MTFR1: variants seen among roughly 807,000 people sequenced by gnomAD.
MTFR1 encodes mitochondrial fission regulator 1, also known as chondrocyte protein with a poly-proline region.
Under a neutral mutation model 38.8 loss-of-function variants are expected in MTFR1, and 28 were observed. The ratio of observed to expected loss-of-function variants is 0.72; its 90% CI spans 0.53 to 0.99. The LOEUF is 0.99. Ranked by LOEUF, MTFR1 falls within the 50% of genes least tolerant of loss-of-function variation. MTFR1 has a pLI of 0.00. For synonymous variants in MTFR1, 145 were observed against 137.0 expected, an observed-to-expected ratio of 1.06 and a Z score of -0.41; for missense variants, 358 against 395.5, an observed-to-expected ratio of 0.91 and a Z score of 0.81.
At position 65,653,565 on chromosome 8, in the gene MTFR1, T is replaced by C. The variant is rs967161366; in HGVS notation, c.-81+8781T>C. Among the ~76,000 whole-genome samples, 3 of 151,960 alleles carry C rather than the reference T, an allele frequency of 2.0e-5. No homozygotes were observed. In the East Asian group the frequency reaches 5.8e-4, roughly 29 times the overall value. On this transcript the variant is annotated intron_variant, in intron 1 of 7. Transcript: ENST00000262146. ...AAACAGTTAATTTAAATTAAAACAT[T>C]AAGAGCATCCAGATATGACAAAACT...
chr8:65,748,652 CTT>C (rs1807796081), intron 3 of MTFR1, among the ~76,000 whole-genome samples: 1 of 152,252 alleles, frequency 6.6e-6, no homozygotes, highest in East Asian at 1.9e-4. Flanking sequence ...TAAATCATCT[CTT>C]AATTTAGAAT....
downstream of MTFR1, among the ~76,000 whole-genome samples, chr8:65,712,014 C>T (rs1203437174): frequency 6.6e-6 from 1 of 152,138 alleles, no homozygotes; most frequent in Non-Finnish European, 1.5e-5. Context: ...TTGGAAAAGC[C>T]TTAATTTGGG....
chr8:65,710,544 CTG>C lies in MTFR1; in HGVS notation c.*1502_*1503del, dbSNP rs201002753. The C allele has an allele frequency of 1.1e-3, 174 of 152,686 alleles. 2 individuals are homozygous for C. Among genetic ancestry groups the C allele is most frequent in the East Asian group, 9.6e-3 (50 of 5,192 alleles). The allele number at this position is 152,686 out of a possible 1,614,324, so 9.5% of individuals were successfully genotyped here. A position where few individuals can be genotyped will look rare whatever the true frequency, so the allele number is the denominator to read the frequency against. On this transcript the variant is annotated 3_prime_UTR_variant, in exon 8 of 8. Coordinates refer to ENST00000262146, the MANE Select transcript of MTFR1 (RefSeq NM_014637.4). ...ACTGTTTTAAAATAAAGCAAACTAA[CTG>C]TTTTATTTTCCTTGGACCATAGTGC...
intron 3 of MTFR1, among the ~76,000 whole-genome samples, chr8:65,688,455 T>A (rs531090380): frequency 6.7e-6 from 1 of 148,628 alleles, no homozygotes; most frequent in Non-Finnish European, 1.5e-5. Flanking sequence ...TCTTTTCTTT[T>A]TTTTTTTTTT....
At chr8:65,656,796 C>T (rs750349611) in intron 1 of MTFR1, among the ~76,000 whole-genome samples, 26 of 151,550 alleles carry the variant, frequency 1.7e-4, no homozygotes, top group African/African-American at 4.8e-4. Context: ...CCACCATGCC[C>T]GGCTGCCTGG....
chr8:65,654,223 G>A (rs1218054448), intron 1 of MTFR1, among the ~76,000 whole-genome samples: 1 of 152,028 alleles, frequency 6.6e-6, no homozygotes, highest in African/African-American at 2.4e-5. Flanking sequence ...GTTTTGGTAA[G>A]TTTTCAGATC....
chr8:65,704,928 A>G lies in MTFR1; in HGVS notation c.516A>G (p.Ala172=). Reference sequence around the variant, plus strand: ...AGCAGGAGCAGCAAAATCTCACTGCAGGTCTGTAAGTCCTACATTTGTTAG... The same window carrying G: ...AGCAGGAGCAGCAAAATCTCACTGCGGGTCTGTAAGTCCTACATTTGTTAG... The part of the protein sequence containing the change: ...VTQQEQQNLT[A]GDLDSTTFGT... Residue 172 remains alanine (A), a splice_region_variant and synonymous_variant, in exon 5 of 8, where the codon GCA becomes GCG. Coordinates refer to ENST00000262146, the MANE Select transcript of MTFR1 (RefSeq NM_014637.4). The G allele has an allele frequency of 6.3e-7, 1 of 1,575,708 alleles. No individual in the cohort carries two copies. Among genetic ancestry groups the G allele is most frequent in the Non-Finnish European group, 8.6e-7 (1 of 1,156,926 alleles).
chr8:65,692,767 A>T (rs1206498582), intron 3 of MTFR1, among the ~76,000 whole-genome samples: 1 of 152,026 alleles, frequency 6.6e-6, no homozygotes. Context: ...AGGGGATTTA[A>T]GGAGTTTTAA....
intron 3 of MTFR1, among the ~76,000 whole-genome samples, chr8:65,764,120 C>G (rs1031307111): frequency 1.6e-4 from 25 of 152,142 alleles, no homozygotes; most frequent in Non-Finnish European, 2.4e-4. Context: ...CTAATCTCTA[C>G]AAGCACCACT....
chr8:65,743,727 A>G (rs1489207983), intron 3 of MTFR1, among the ~76,000 whole-genome samples: 1 of 152,234 alleles, frequency 6.6e-6, no homozygotes, highest in Non-Finnish European at 1.5e-5. Context: ...TTCCAAAGCA[A>G]TAAGAAAAAG....
rs551059249 is a variant in MTFR1 at position 65,728,653 on chromosome 8, A to T, written c.*48+9172A>T. Reference sequence around the variant, plus strand: ...ATGCATAGGATATAAAGCATACTGCATATAAAGCAATCTCCCCTCCTTGAC... The same window carrying T: ...ATGCATAGGATATAAAGCATACTGCTTATAAAGCAATCTCCCCTCCTTGAC... On this transcript the variant is annotated intron_variant, in intron 3 of 3. Transcript: ENST00000521247. 1.7e-4 allele frequency: 20 copies of T among 120,818 alleles called. 1 individual carries two copies. In the East Asian group the frequency reaches 3.6e-3, roughly 22 times the overall value. The allele number at this position is 120,818 out of a possible 1,614,324, so 7.5% of individuals were successfully genotyped here.
intron 3 of MTFR1, among the ~76,000 whole-genome samples, chr8:65,748,092 GGTTT>G (rs1271590174): frequency 1.4e-5 from 2 of 147,244 alleles, no homozygotes; most frequent in Admixed American, 7.0e-5. Context: ...TAATAATCAC[GGTTT>G]GTTTTTTTTT....
intron 3 of MTFR1, among the ~76,000 whole-genome samples, chr8:65,685,178 TG>T (rs1805035472): frequency 6.6e-6 from 1 of 152,242 alleles, no homozygotes. Context: ...CCCCTATTTT[TG>T]TAGCTCATTT....
At chr8:65,674,047 G>A (rs927303651) in intron 2 of MTFR1, among the ~76,000 whole-genome samples, 1 of 152,154 alleles carries the variant, frequency 6.6e-6, no homozygotes, top group African/African-American at 2.4e-5. Flanking sequence ...CCTTAAATTT[G>A]TAAAAAGAAC....
At chr8:65,735,228 A>G (rs1011221562) in intron 3 of MTFR1, among the ~76,000 whole-genome samples, 1 of 152,110 alleles carries the variant, frequency 6.6e-6, no homozygotes, top group South Asian at 2.1e-4. Context: ...GGGAAACACA[A>G]TCGCCGAGTG....
chr8:65,735,238 G>C (rs1275820185), intron 3 of MTFR1, among the ~76,000 whole-genome samples: 1 of 152,152 alleles, frequency 6.6e-6, no homozygotes, highest in Non-Finnish European at 1.5e-5. Flanking sequence ...ATCGCCGAGT[G>C]AGCGGGACAG....
At chr8:65,691,625 A>T (rs2129055831) in intron 3 of MTFR1, among the ~76,000 whole-genome samples, 1 of 152,092 alleles carries the variant, frequency 6.6e-6, no homozygotes, top group South Asian at 2.1e-4. Flanking sequence ...CGATGTTCTT[A>T]GTACTTTATT....
chr8:65,771,590 G>A (rs552747713), downstream of MTFR1, among the ~76,000 whole-genome samples: 28 of 152,146 alleles, frequency 1.8e-4, no homozygotes, highest in Admixed American at 1.6e-3. Flanking sequence ...CTGGGCGCAC[G>A]CAGTGGCTCA....
intron 2 of MTFR1, among the ~76,000 whole-genome samples, chr8:65,674,713 G>A (rs1804662977): frequency 6.6e-6 from 1 of 152,090 alleles, no homozygotes; most frequent in East Asian, 1.9e-4. Flanking sequence ...TTGGCTCATT[G>A]TCTTTGACTC....
Sources: allele counts gnomAD v4.1 joint callset (sites outside exome capture counted in the v4.1 genomes callset), GRCh38; gene constraint gnomAD v4.1.1; transcripts MANE v1.5; gene names NCBI Gene and HGNC (gene_info 2026-07-23, HGNC 2026-07-21).